The following CSMD1 variants were observed in gnomAD, a reference collection of about 807,000 sequenced individuals.
CSMD1 encodes CUB and Sushi multiple domains 1.
In CSMD1, 213 loss-of-function variants were observed where a neutral mutation model predicts 417.5. The observed-to-expected ratio is 0.51, with a 90% CI of 0.46 to 0.57. The LOEUF is 0.57. Among genes scored for constraint, CSMD1 ranks in the 20% least tolerant of loss-of-function variants. The probability of loss-of-function intolerance (pLI) is 0.00; values close to 1 mark genes in which losing one functional copy is unlikely to be tolerated. For synonymous variants in CSMD1, 2,862 were observed against 1,736.8 expected (o/e 1.65, Z -16.11); for missense variants, 6,923 against 4,529.7 (o/e 1.53, Z -15.17).
At chr8:3,621,127 A>T (rs1283368823) in intron 7 of CSMD1, among the ~76,000 whole-genome samples, 1 of 152,088 alleles carries the variant, frequency 6.6e-6, no homozygotes, top group Non-Finnish European at 1.5e-5. Flanking sequence ...GAAGAAACCA[A>T]CCCTGCCCAA....
At chr8:4,898,886 G>C (rs957228540) in intron 1 of CSMD1, among the ~76,000 whole-genome samples, 2 of 152,106 alleles carry the variant, frequency 1.3e-5, no homozygotes, top group East Asian at 1.9e-4. Context: ...ATAACAGCTA[G>C]ATACATTATT....
chr8:3,461,055 C>G (rs139156799), intron 12 of CSMD1, among the ~76,000 whole-genome samples: 1 of 152,180 alleles, frequency 6.6e-6, no homozygotes, highest in African/African-American at 2.4e-5. Context: ...CACATGAGTT[C>G]ATGTGACACG....
chr8:4,981,118 C>G (rs1419270522), intron 1 of CSMD1, among the ~76,000 whole-genome samples: 2 of 152,136 alleles, frequency 1.3e-5, no homozygotes, highest in East Asian at 1.9e-4. Flanking sequence ...AGTAGCCTGC[C>G]TTTTCTGTAC....
At chr8:4,894,698 C>CTCTGTG (rs1554513188) in intron 1 of CSMD1, among the ~76,000 whole-genome samples, 2 of 150,014 alleles carry the variant, frequency 1.3e-5, no homozygotes, top group East Asian at 1.9e-4. Context: ...ATCTGAAAGA[C>CTCTGTG]TGTGTGTGTG....
intron 49 of CSMD1, among the ~76,000 whole-genome samples, chr8:3,075,997 G>C (rs989699906): frequency 3.3e-5 from 5 of 151,372 alleles, no homozygotes; most frequent in Non-Finnish European, 7.4e-5. Flanking sequence ...CTTGCAGTGA[G>C]CCGAGATCGC....
rs897653079 is a variant in CSMD1, at chr8:3,872,309, G to C, written c.819-118267C>G. Reference sequence around the variant, plus strand: ...GGGGTCACCCTGTAAGTGCCATCTGGCTCATTCTCAGTTCTCCCAGCTTTC... The same window carrying C: ...GGGGTCACCCTGTAAGTGCCATCTGCCTCATTCTCAGTTCTCCCAGCTTTC... On this transcript the variant is annotated intron_variant, in intron 5 of 69. Coordinates refer to ENST00000635120, the MANE Select transcript of CSMD1 (RefSeq NM_033225.6). Among the ~76,000 whole-genome samples the C allele has an allele frequency of 2.6e-5, 4 of 152,270 alleles. No homozygotes were observed. In the East Asian group the frequency reaches 7.7e-4, roughly 29 times the overall value.
rs545667106 is a variant in CSMD1, at chr8:4,633,726, T to A, written c.302+3616A>T. On this transcript the variant is annotated intron_variant, in intron 2 of 69. Transcript: ENST00000635120. ...TGCCTGCCACCATGTCCAGCTAATT[T>A]TTTTTGTACTTTTAGTGGAGACGGG... Among the ~76,000 whole-genome samples the A allele has an allele frequency of 1.6e-4, 24 of 152,198 alleles. No individual in the cohort carries two copies. In the South Asian group the frequency reaches 4.8e-3, roughly 30 times the overall value.
chr8:4,092,786 G>T (rs1800788386), intron 3 of CSMD1, among the ~76,000 whole-genome samples: 1 of 151,926 alleles, frequency 6.6e-6, no homozygotes, highest in Non-Finnish European at 1.5e-5. Flanking sequence ...ATTATTTCAT[G>T]AAATCTATTT....
chr8:3,910,814 G>A (rs952773695), intron 5 of CSMD1, among the ~76,000 whole-genome samples: 1 of 152,182 alleles, frequency 6.6e-6, no homozygotes, highest in East Asian at 1.9e-4. Flanking sequence ...TTATTGGAGA[G>A]TGCATGCTAC....
At chr8:4,692,334 T>G (rs1806820776) in intron 1 of CSMD1, among the ~76,000 whole-genome samples, 1 of 152,126 alleles carries the variant, frequency 6.6e-6, no homozygotes. Context: ...AAAAAGAATG[T>G]ATTAAAAACA....
intron 6 of CSMD1, among the ~76,000 whole-genome samples, chr8:3,739,784 G>T (rs545897380): frequency 1.9e-4 from 5 of 26,152 alleles, no homozygotes; most frequent in Admixed American, 7.7e-4. Flanking sequence ...GAGATCAATG[G>T]AAAAAGGTAA....
At chr8:3,342,163 A>G (rs1477753860) in intron 23 of CSMD1, among the ~76,000 whole-genome samples, 1 of 152,168 alleles carries the variant, frequency 6.6e-6, no homozygotes, top group Non-Finnish European at 1.5e-5. Context: ...TGGTTTCCTC[A>G]TGATTTCAGC....
intron 1 of CSMD1, among the ~76,000 whole-genome samples, chr8:4,874,765 A>G (rs1034762565): frequency 1.3e-5 from 2 of 151,336 alleles, no homozygotes; most frequent in Non-Finnish European, 2.9e-5. Context: ...TATTTCATAT[A>G]GACAGAAAGA....
chr8:3,042,341 G>T (rs1286149960), intron 50 of CSMD1, among the ~76,000 whole-genome samples: 1 of 152,054 alleles, frequency 6.6e-6, no homozygotes, highest in Admixed American at 6.6e-5. Context: ...TTCCAAGCAG[G>T]TAGCAAACAG....
At chr8:3,060,152 T>C (rs903495665) in intron 49 of CSMD1, among the ~76,000 whole-genome samples, 2 of 44,678 alleles carry the variant, frequency 4.5e-5, no homozygotes, top group Non-Finnish European at 1.1e-4. Context: ...TACTAACAAC[T>C]TTTTTTTTTT....
chr8:3,495,747 C>T (rs1013608716), intron 10 of CSMD1, among the ~76,000 whole-genome samples: 1 of 152,114 alleles, frequency 6.6e-6, no homozygotes, highest in African/African-American at 2.4e-5. Flanking sequence ...AAACTGAAGA[C>T]AAAAGGATAA....
chr8:4,051,782 A>G (rs764471462), intron 3 of CSMD1, among the ~76,000 whole-genome samples: 23 of 152,328 alleles, frequency 1.5e-4, no homozygotes, highest in Non-Finnish European at 3.1e-4. Context: ...CCAGTGTCCC[A>G]GGTGTGATGG....
chr8:3,952,427 G>T (rs1349686943), intron 5 of CSMD1, among the ~76,000 whole-genome samples: 1 of 151,958 alleles, frequency 6.6e-6, no homozygotes, highest in African/African-American at 2.4e-5. Context: ...ATATGTAAAG[G>T]GTAATTATTT....
chr8:3,162,708 G>A (rs1472374215), intron 37 of CSMD1, among the ~76,000 whole-genome samples: 2 of 145,800 alleles, frequency 1.4e-5, no homozygotes, highest in East Asian at 2.0e-4. Flanking sequence ...TTGGAATTCT[G>A]TTCTTCTACA....
Sources: gnomAD v4.1 joint callset for allele counts (sites outside exome capture counted in the v4.1 genomes callset) on GRCh38, gnomAD v4.1.1 for gene constraint, MANE v1.5 for transcripts, NCBI Gene and HGNC (gene_info 2026-07-23, HGNC 2026-07-21) for gene names.